GLRA2: variants seen among roughly 807,000 people sequenced by gnomAD.
The protein encoded by GLRA2 is glycine receptor alpha 2, also known as glycine receptor subunit alpha-2.
Under a neutral mutation model 31.6 loss-of-function variants are expected in GLRA2, and 11 were observed. That is an observed-to-expected ratio of 0.35 (90% CI 0.22 to 0.58). The LOEUF (loss-of-function observed/expected upper bound fraction) is 0.58. Ranked by LOEUF, GLRA2 falls within the 20% of genes least tolerant of loss-of-function variation. The pLI is 0.84. For missense variants in GLRA2, 212 were observed against 351.8 expected, an observed-to-expected ratio of 0.60 and a Z score of 3.18; for synonymous variants, 132 against 134.0, an observed-to-expected ratio of 0.99 and a Z score of 0.10.
At chrX:14,604,261 A>T (rs964827972) in intron 4 of GLRA2, 54 bp from the exon 5 acceptor site, 9 of 712,481 alleles carry the variant, frequency 1.3e-5, no homozygotes. Flanking sequence ...GTTTCTCAAC[A>T]ACTGGACTTC....
chrX:14,588,851 A>T (rs1225926909), intron 4 of GLRA2, among the ~76,000 whole-genome samples: 1 of 110,825 alleles, frequency 9.0e-6, no homozygotes, highest in African/African-American at 3.3e-5. Context: ...TGCAAATGGT[A>T]TTGTGTTCTT....
At chrX:14,712,507 A>G (rs1197522537) in intron 8 of GLRA2, among the ~76,000 whole-genome samples, 1 of 100,760 alleles carries the variant, frequency 9.9e-6, no homozygotes, top group Non-Finnish European at 2.0e-5. Context: ...CTCTTAATTG[A>G]AAAAAAAAAA....
At chrX:14,552,336 G>T (rs1056266500) in intron 2 of GLRA2, among the ~76,000 whole-genome samples, 3 of 112,477 alleles carry the variant, frequency 2.7e-5, no homozygotes, top group African/African-American at 9.7e-5. Context: ...TATGGGTGGG[G>T]TATGCAAAGG....
chrX:14,660,989 C>G (rs932385624), intron 7 of GLRA2, among the ~76,000 whole-genome samples: 1 of 112,039 alleles, frequency 8.9e-6, no homozygotes, highest in African/African-American at 3.2e-5. Context: ...GTTTACTAGA[C>G]TGTAAATTAT....
chrX:14,581,770 A>G (rs1436893383), intron 4 of GLRA2, among the ~76,000 whole-genome samples: 1 of 64,763 alleles, frequency 1.5e-5, no homozygotes, highest in Non-Finnish European at 3.4e-5. Flanking sequence ...AAGCATGCAC[A>G]CACACACACA....
intron 7 of GLRA2, among the ~76,000 whole-genome samples, chrX:14,645,975 T>C (rs1168753514): frequency 8.9e-6 from 1 of 111,885 alleles, no homozygotes; most frequent in Non-Finnish European, 1.9e-5. Context: ...CTGAAAAAAG[T>C]GGAGACAGTT....
In GLRA2 at chrX:14,605,837, TGTG is replaced by T. The variant is rs776402410; in HGVS notation, c.578-1289_578-1287del. On this transcript the variant is annotated intron_variant, in intron 5 of 8. Transcript: ENST00000218075. ...CAGGGTGACTGACAAGAACTTTTATTGTGGTGGCCAACGAGAAGCTCACCAGAC... is the reference window on the plus strand; with the variant it reads ...CAGGGTGACTGACAAGAACTTTTATTGTGGCCAACGAGAAGCTCACCAGAC... Among the ~76,000 whole-genome samples, 7 of 111,498 alleles carry T rather than the reference TGTG, an allele frequency of 6.3e-5. No homozygotes were observed. The South Asian group carries it at 2.6e-3, about 42-fold the overall frequency.
intron 2 of GLRA2, among the ~76,000 whole-genome samples, chrX:14,550,685 A>C (rs2089548625): frequency 8.9e-6 from 1 of 111,903 alleles, no homozygotes; most frequent in Admixed American, 9.5e-5. Context: ...AAAGCATTTA[A>C]AAATTTTAAA....
chrX:14,562,338 C>T (rs1346983192), intron 2 of GLRA2, among the ~76,000 whole-genome samples: 2 of 112,255 alleles, frequency 1.8e-5, no homozygotes, highest in Non-Finnish European at 3.8e-5. Flanking sequence ...GCCCTTGTCC[C>T]ATTCCCTCCC....
chrX:14,452,065 T>G, the GLRA2 span, among the ~76,000 whole-genome samples: 1 of 112,198 alleles, frequency 8.9e-6, no homozygotes, highest in African/African-American at 3.2e-5. Context: ...GGTACTATGC[T>G]TACTACCTGG....
At chrX:14,678,039 T>G (rs1199423051) in intron 7 of GLRA2, among the ~76,000 whole-genome samples, 1 of 111,990 alleles carries the variant, frequency 8.9e-6, no homozygotes, top group Non-Finnish European at 1.9e-5. Context: ...TGCTCCCTGG[T>G]TGTGACAATC....
At chrX:14,526,191 G>A (rs1387348933), upstream of GLRA2, among the ~76,000 whole-genome samples, 2 of 112,219 alleles carry the variant, frequency 1.8e-5, no homozygotes, top group Non-Finnish European at 3.8e-5. Flanking sequence ...TGAACAATAC[G>A]GTAAGCATTA....
At chrX:14,623,229 TC>T (rs1286399324) in intron 7 of GLRA2, among the ~76,000 whole-genome samples, 1 of 112,031 alleles carries the variant, frequency 8.9e-6, no homozygotes, top group Non-Finnish European at 1.9e-5. Flanking sequence ...AAGTTGCTTA[TC>T]AGCTTAAGGA....
chrX:14,553,286 T>C (rs2089592806), intron 2 of GLRA2, among the ~76,000 whole-genome samples: 2 of 112,000 alleles, frequency 1.8e-5, no homozygotes. Context: ...TTGCTGATTA[T>C]ACTTTGGCTA....
chrX:14,565,783 A>C (rs1326524354), intron 2 of GLRA2, among the ~76,000 whole-genome samples: 1 of 111,827 alleles, frequency 8.9e-6, no homozygotes, highest in Non-Finnish European at 1.9e-5. Flanking sequence ...GAGGTGAATG[A>C]AAACAAAAAC....
At chrX:14,632,453 CTA>C (rs2147120477) in intron 7 of GLRA2, among the ~76,000 whole-genome samples, 1 of 111,347 alleles carries the variant, frequency 9.0e-6, no homozygotes, top group East Asian at 2.8e-4. Context: ...TCAATGAAGA[CTA>C]TTTATTAAAT....
chrX:14,636,885 A>T lies in GLRA2; in HGVS notation c.930+27680A>T, dbSNP rs368341469. Among the ~76,000 whole-genome samples the T allele has an allele frequency of 1.6e-3, 178 of 112,093 alleles. 4 individuals carry two copies. The South Asian group carries it at 0.065, about 41-fold the overall frequency. ...GAAATGTCTCAGAATCTAAGAATGG[A>T]TGTGTGCTTAGGCATTCAAAATGGA... is the stretch of plus-strand genomic sequence containing the variant. On this transcript the variant is annotated intron_variant, in intron 7 of 8. Transcript: ENST00000218075.
intron 6 of GLRA2, among the ~76,000 whole-genome samples, chrX:14,607,751 G>C (rs1158197385): frequency 9.0e-6 from 1 of 111,130 alleles, no homozygotes; most frequent in African/African-American, 3.3e-5. Context: ...CTTCAGTCCT[G>C]GATAGCAATA....
intron 7 of GLRA2, among the ~76,000 whole-genome samples, chrX:14,689,657 A>G (rs2091322793): frequency 8.9e-6 from 1 of 112,230 alleles, no homozygotes; most frequent in Non-Finnish European, 1.9e-5. Flanking sequence ...TCACACATGT[A>G]AAATGCTTAA....
Sources: allele counts gnomAD v4.1 joint callset (sites outside exome capture counted in the v4.1 genomes callset), GRCh38; gene constraint gnomAD v4.1.1; transcripts MANE v1.5; gene names NCBI Gene and HGNC (gene_info 2026-07-23, HGNC 2026-07-21).